The following HDAC7 variants were observed in gnomAD, a reference collection of about 807,000 sequenced individuals.
The protein encoded by HDAC7 is histone deacetylase 7A.
In HDAC7, 26 loss-of-function variants were observed where a neutral mutation model predicts 115.5. The observed-to-expected ratio is 0.23, with a 90% confidence interval of 0.16 to 0.31. The LOEUF (loss-of-function observed/expected upper bound fraction) is 0.31. Among genes scored for constraint, HDAC7 ranks in the 10% least tolerant of loss-of-function variants. The pLI is 1.00. For synonymous variants in HDAC7, 564 were observed against 550.9 expected (o/e 1.02, Z -0.33); for missense variants, 1,068 against 1,329.0 (o/e 0.80, Z 3.05).
intron 20 of HDAC7, 57 bp downstream of exon 20, chr12:47,787,988 G>A: frequency 1.9e-6 from 3 of 1,593,406 alleles, no homozygotes; most frequent in East Asian, 2.2e-5. Flanking sequence ...CAGAGGCAGA[G>A]TAAGTGTCAG....
rs1445260531 is a variant in HDAC7, at chr12:47,795,639, C to T, written c.1035G>A (p.Leu345=). 6 of 1,556,740 alleles carry T rather than the reference C, an allele frequency of 3.9e-6. No homozygotes were observed. The South Asian group carries it at 7.1e-5, about 18-fold the overall frequency. Residue 345 remains leucine (L), a synonymous_variant, in exon 10 of 26, where the codon CTG becomes CTA. Coordinates refer to ENST00000080059, the MANE Select transcript of HDAC7 (RefSeq NM_015401.5). The surrounding 1 kb of genome is among the most constrained non-coding windows in gnomAD (Gnocchi z 4.3). ...PEAGGTLPSR[L]QPILLLDPSG... Reference sequence around the variant, plus strand: ...AGGGGTCCAGGAGGAGAATGGGCTGCAGGCGAGAGGGCAAGGTGCCCCCAG... The same window carrying T: ...AGGGGTCCAGGAGGAGAATGGGCTGTAGGCGAGAGGGCAAGGTGCCCCCAG...
chr12:47,809,280 T>C (rs1944546111), intron 1 of HDAC7, among the ~76,000 whole-genome samples: 2 of 152,126 alleles, frequency 1.3e-5, no homozygotes, highest in Admixed American at 1.3e-4. Context: ...CCTGCCCCTC[T>C]GTGTACCCTA....
Position 47,794,861 on chromosome 12 carries a change from C to T in HDAC7, c.1357G>A (p.Gly453Arg), listed in dbSNP as rs142887723. 3.7e-6 allele frequency: 6 copies of T among 1,613,348 alleles called. No individual in the cohort carries two copies. Among genetic ancestry groups the T allele is most frequent in the African/African-American group, 1.3e-5 (1 of 74,938 alleles). The change falls in exon 12 of 26, where the codon GGG becomes AGG. Residue 453 changes from glycine to arginine, a missense_variant. By Grantham distance (125) the Gly-to-Arg change is moderately radical. Coordinates refer to ENST00000080059, the MANE Select transcript of HDAC7 (RefSeq NM_015401.5). ...TCGTCCACCACCTGGCCCGGTCCCC[C>T]GCCATCTGTCTCCAGGTCTTCAGCC... is the stretch of plus-strand genomic sequence containing the variant. ...PSAEDLETDG[G>R]GPGQVVDDGL...
chr12:47,783,740 C>T lies in HDAC7; in HGVS notation c.*101G>A. 8.4e-7 allele frequency: 1 copy of T among 1,194,224 alleles called. No individual in the cohort carries two copies. The highest frequency in any genetic ancestry group is 1.2e-6 in the Non-Finnish European group (1 of 816,716). The allele number at this position is 1,194,224 out of a possible 1,614,324, so 74.0% of individuals were successfully genotyped here. ...GCTGTTCTCTGGTTCCAACTACTTGCCCACAGGATCTCTAAAGACCCAGGA... is the reference window on the plus strand; with the variant it reads ...GCTGTTCTCTGGTTCCAACTACTTGTCCACAGGATCTCTAAAGACCCAGGA... On this transcript the variant is annotated 3_prime_UTR_variant, in exon 26 of 26. Transcript: ENST00000080059.
chr12:47,795,880 TG>T lies in HDAC7; in HGVS notation c.906+25del. ...TGAAAGAAGCTGGGGGGGCTTGGAG[TG>T]GGGGTGGGCACCCCAGCCACTCACC... On this transcript the variant is annotated intron_variant, in intron 9 of 25. Transcript: ENST00000080059. This position sits in a 1 kb window ranked among gnomAD's most constrained non-coding sequence, Gnocchi z 4.3. 9.9e-7 allele frequency: 1 copy of T among 1,011,458 alleles called. No homozygotes were observed. 62.7% of individuals were successfully genotyped at this position (1,011,458 alleles called of 1,614,324 possible).
In HDAC7 at chr12:47,798,474, C is replaced by T; in HGVS notation, c.349+88G>A. 1 of 1,252,826 alleles carries T rather than the reference C, an allele frequency of 8.0e-7. No individual in the cohort carries two copies. The highest frequency in any genetic ancestry group is 1.2e-6 in the Non-Finnish European group (1 of 865,284). The allele number at this position is 1,252,826 out of a possible 1,614,324, so 77.6% of individuals were successfully genotyped here. Reference sequence around the variant, plus strand: ...GGCTCAGGCCCAGCTGGCTGCGGCCCTCCCACCTCACCCCTCACAAGCCAC... The same window carrying T: ...GGCTCAGGCCCAGCTGGCTGCGGCCTTCCCACCTCACCCCTCACAAGCCAC... On this transcript the variant is annotated intron_variant, in intron 4 of 25. Transcript: ENST00000080059. The surrounding 1 kb of genome is among the most constrained non-coding windows in gnomAD (Gnocchi z 4.3).
At position 47,783,909 on chromosome 12, in the gene HDAC7, G is replaced by T. The variant is rs573167381; in HGVS notation, c.2931-23C>A. On this transcript the variant is annotated intron_variant, in intron 25 of 25. Transcript: ENST00000080059. Reference sequence around the variant, plus strand: ...GGCCTGTGGGGAGGGACAAGGGTGGGATGCTGGAGCACCAGGGCTGCAGCA... The same window carrying T: ...GGCCTGTGGGGAGGGACAAGGGTGGTATGCTGGAGCACCAGGGCTGCAGCA... The T allele has an allele frequency of 2.5e-6, 4 of 1,612,932 alleles. No individual in the cohort carries two copies. In the African/African-American group the frequency reaches 4.0e-5, roughly 16 times the overall value.
intron 2 of HDAC7, 87 bp from the exon 3 acceptor site, chr12:47,799,059 G>T: frequency 1.1e-6 from 1 of 944,776 alleles, no homozygotes; most frequent in Non-Finnish European, 1.5e-6. Context: ...GCCTCCCTCA[G>T]GCTCACTTGA....
intron 1 of HDAC7, chr12:47,802,650 A>C: frequency 1.6e-6 from 1 of 625,816 alleles, no homozygotes; most frequent in South Asian, 2.0e-5. Context: ...GGAAAGAAGA[A>C]GGCCAAGAGG....
In HDAC7 at chr12:47,795,396, G is replaced by A. The variant is rs199857020; in HGVS notation, c.1088-16C>T. On this transcript the variant is annotated splice_polypyrimidine_tract_variant and intron_variant, in intron 10 of 25. Coordinates refer to ENST00000080059, the MANE Select transcript of HDAC7 (RefSeq NM_015401.5). The surrounding 1 kb of genome is among the most constrained non-coding windows in gnomAD (Gnocchi z 4.3). ...AGCCCGGGCACTGGAAAGAATCGGG[G>A]GGTGGAATAAGGAGGGAACCACAGG... 1,244 of 1,570,520 alleles carry A rather than the reference G, an allele frequency of 7.9e-4. No homozygotes were observed. Among genetic ancestry groups the A allele is most frequent in the Non-Finnish European group, 1.0e-3 (1,188 of 1,156,982 alleles).
Position 47,793,512 on chromosome 12 carries a change from A to G in HDAC7, c.1535T>C (p.Leu512Pro), listed in dbSNP as rs1293892473. 2 of 1,548,908 alleles carry G rather than the reference A, an allele frequency of 1.3e-6. No individual in the cohort carries two copies. Among genetic ancestry groups the G allele is most frequent in the Admixed American group, 2.0e-5 (1 of 51,010 alleles). ...GSTGDTVLLPLAQGGHRPLSR... is the reference protein window; with the variant it reads ...GSTGDTVLLPPAQGGHRPLSR... ...CAGAGGCCGGTGCCCACCCTGGGCC[A>G]GAGGAAGCAGCACAGTGTCCCCGGT... Residue 512 changes from leucine (L) to proline (P), a missense_variant, in exon 13 of 26, where the codon CTG (leucine) becomes CCG (proline). By Grantham distance (98) the Leu-to-Pro change is moderately conservative. Around this residue, in one of 6 missense-constraint regions of HDAC7, gnomAD observed 618 missense variants for 701.5 expected, o/e 0.88. Coordinates refer to ENST00000080059, the MANE Select transcript of HDAC7 (RefSeq NM_015401.5). The surrounding 1 kb of genome is among the most constrained non-coding windows in gnomAD (Gnocchi z 4.5).
intron 1 of HDAC7, among the ~76,000 whole-genome samples, chr12:47,816,336 C>A (rs1565592497): frequency 6.6e-6 from 1 of 152,042 alleles, no homozygotes; most frequent in African/African-American, 2.4e-5. Context: ...CAGATATATA[C>A]CCCCAAAAAA....
intron 1 of HDAC7, among the ~76,000 whole-genome samples, chr12:47,808,688 C>G (rs1202205020): frequency 3.9e-5 from 6 of 152,204 alleles, no homozygotes; most frequent in Non-Finnish European, 8.8e-5. Context: ...AAGGGGAGGG[C>G]ATAGCTACTT....
chr12:47,790,892 A>G (rs931818999), intron 16 of HDAC7: 8 of 324,446 alleles, frequency 2.5e-5, no homozygotes, highest in Non-Finnish European at 4.0e-5. Context: ...GAGGTACCCC[A>G]ACTTGCCACT....
chr12:47,809,053 C>T (rs934279321), intron 1 of HDAC7, among the ~76,000 whole-genome samples: 3 of 152,230 alleles, frequency 2.0e-5, no homozygotes, highest in Non-Finnish European at 4.4e-5. Flanking sequence ...TCATCTCTCC[C>T]CTTCGCCTTT....
Position 47,786,711 on chromosome 12 carries a change from G to A in HDAC7, c.2454-8C>T. On this transcript the variant is annotated splice_region_variant and splice_polypyrimidine_tract_variant and intron_variant, in intron 21 of 25. Transcript: ENST00000080059. Reference sequence around the variant, plus strand: ...ATGGGCATCACGACTATCCTGTGAGGTCACAAGAAGTGGCGATCATCGTAC... The same window carrying A: ...ATGGGCATCACGACTATCCTGTGAGATCACAAGAAGTGGCGATCATCGTAC... 1 of 1,604,610 alleles carries A rather than the reference G, an allele frequency of 6.2e-7. No homozygotes were observed.
In HDAC7 at chr12:47,783,856, T is replaced by G; in HGVS notation, c.2961A>C (p.Glu987Asp). 6.2e-7 allele frequency: 1 copy of G among 1,611,576 alleles called. No individual in the cohort carries two copies. The highest frequency in any genetic ancestry group is 8.5e-7 in the Non-Finnish European group (1 of 1,179,372). Residue 987 changes from glutamate to aspartate, a missense_variant, in exon 26 of 26, where the codon GAA (glutamate) becomes GAC (aspartate). Glu to Asp is a conservative substitution (Grantham distance 45). Around this residue, in one of 6 missense-constraint regions of HDAC7, gnomAD observed 98 missense variants for 123.9 expected, o/e 0.79. Transcript: ENST00000080059. Reference protein sequence around the residue: ...RPSEQLVEEEEPMNL With the variant: ...RPSEQLVEEEDPMNL ...TTCCAGAGCCTTAGAGATTCATAGG[T>G]TCTTCCTCCTCCACCAGCTGCTCCG...
At chr12:47,802,531 A>G in intron 1 of HDAC7, 1 of 1,535,296 alleles carries the variant, frequency 6.5e-7, no homozygotes, top group African/African-American at 1.4e-5. Flanking sequence ...CTCAGACTAC[A>G]GCAAGAACCT....
intron 1 of HDAC7, among the ~76,000 whole-genome samples, chr12:47,809,638 T>C (rs1944564301): frequency 6.6e-6 from 1 of 152,152 alleles, no homozygotes; most frequent in African/African-American, 2.4e-5. Context: ...TGGCACGATC[T>C]TGGCTCACTT....
Sources: gnomAD v4.1 joint callset for allele counts (sites outside exome capture counted in the v4.1 genomes callset) on GRCh38, gnomAD v4.1.1 for gene constraint, gnomAD v4.1.1 regional missense constraint, Gnocchi (gnomAD v3.1) non-coding constraint, MANE v1.5 for transcripts, NCBI Gene and HGNC (gene_info 2026-07-23, HGNC 2026-07-21) for gene names.